ADGRG4: variants seen among roughly 807,000 people sequenced by gnomAD.
ADGRG4 encodes G protein-coupled receptor 112.
ADGRG4 carries 122 observed loss-of-function variants against 126.2 expected under a neutral mutation model. The observed-to-expected ratio is 0.97, with a 90% CI of 0.83 to 1.12. The LOEUF (loss-of-function observed/expected upper bound fraction) is 1.12. ADGRG4 is among the 50% of genes most tolerant of loss of function. ADGRG4 has a pLI of 0.00. For missense variants in ADGRG4, 2,481 were observed against 2,251.8 expected (o/e 1.10, Z -2.06); for synonymous variants, 943 against 838.7 (o/e 1.12, Z -2.15).
rs1360021202 is a variant in ADGRG4 at position 136,346,717 on chromosome X, C to A, written c.3011C>A (p.Ser1004Tyr). ...CCTCCACAGCCTACAGCTGCTCATT[C>A]CTCAGCAACCCCTGTGCCTGTTACT... ...ILPPQPTAAH[S>Y]SATPVPVTHM... Residue 1004 changes from serine to tyrosine, a missense_variant, in exon 6 of 26, where the codon TCC becomes TAC. By Grantham distance (144) the Ser-to-Tyr change is moderately radical. Coordinates refer to ENST00000394143, the MANE Select transcript of ADGRG4 (RefSeq NM_153834.4). The A allele has an allele frequency of 8.3e-7, 1 of 1,209,896 alleles. No homozygotes were observed. Among genetic ancestry groups the A allele is most frequent in the East Asian group, 3.0e-5 (1 of 33,821 alleles).
intron 6 of ADGRG4, among the ~76,000 whole-genome samples, chrX:136,350,949 G>A (rs1242285020): frequency 9.0e-6 from 1 of 111,650 alleles, no homozygotes; most frequent in Non-Finnish European, 1.9e-5. Flanking sequence ...GGAATATTTG[G>A]CTTCCATATT....
chrX:136,328,378 T>C (rs1199608854), intron 5 of ADGRG4, among the ~76,000 whole-genome samples: 2 of 112,146 alleles, frequency 1.8e-5, no homozygotes, highest in African/African-American at 3.2e-5. Flanking sequence ...TCTCAAGATA[T>C]GGCCAGCATA....
chrX:136,389,755 T>C (rs2075309933), intron 16 of ADGRG4, among the ~76,000 whole-genome samples: 2 of 111,924 alleles, frequency 1.8e-5, no homozygotes, highest in Admixed American at 9.5e-5. Flanking sequence ...TCTTGTACGG[T>C]GCTGAATGCT....
intron 19 of ADGRG4, among the ~76,000 whole-genome samples, chrX:136,397,068 C>A (rs761341154): frequency 9.0e-6 from 1 of 111,308 alleles, no homozygotes; most frequent in Non-Finnish European, 1.9e-5. Context: ...AGATTACAGG[C>A]ATGAGCCACC....
intron 5 of ADGRG4, among the ~76,000 whole-genome samples, chrX:136,340,477 A>G (rs2074972858): frequency 9.0e-6 from 1 of 111,662 alleles, no homozygotes; most frequent in Non-Finnish European, 1.9e-5. Flanking sequence ...TTGATGTTTT[A>G]GTTTAGCATT....
chrX:136,327,349 T>A (rs1479069185), intron 5 of ADGRG4, among the ~76,000 whole-genome samples: 4 of 110,462 alleles, frequency 3.6e-5, no homozygotes, highest in Non-Finnish European at 3.8e-5. Context: ...CACACCAACA[T>A]GGCCCATGTA....
At position 136,396,595 on chromosome X, in the gene ADGRG4, A is replaced by C. The variant is rs1279692248; in HGVS notation, c.8184+1102A>C. Among the ~76,000 whole-genome samples, 189 of 86,960 alleles carry C rather than the reference A, an allele frequency of 2.2e-3. 1 individual carries two copies. Among genetic ancestry groups the C allele is most frequent in the African/African-American group, 4.4e-3 (97 of 22,213 alleles). The allele number at this position is 86,960 out of a possible 115,157, so 75.5% of individuals were successfully genotyped here. ...GGGCAAAAGAGTGAGAACCTGTCCC[A>C]AAAAAAAAAAAAAAAAGAGAGAGAG... On this transcript the variant is annotated intron_variant, in intron 19 of 25. Transcript: ENST00000394143.
At chrX:136,338,197 G>A (rs1341467855) in intron 5 of ADGRG4, among the ~76,000 whole-genome samples, 9 of 102,960 alleles carry the variant, frequency 8.7e-5, no homozygotes, top group South Asian at 4.5e-4. Context: ...TCGTTCTGTC[G>A]CCCAGGCTGG....
At chrX:136,388,026 A>C (rs1330734335) in intron 16 of ADGRG4, 152 bp downstream of exon 16, 1 of 485,185 alleles carries the variant, frequency 2.1e-6, no homozygotes, top group Non-Finnish European at 3.4e-6. Flanking sequence ...CCTTAACATG[A>C]ATCAACGTCT....
intron 9 of ADGRG4, 104 bp from the exon 10 acceptor site, chrX:136,357,600 A>C: frequency 1.7e-6 from 1 of 573,866 alleles, no homozygotes; most frequent in Non-Finnish European, 2.8e-6. Flanking sequence ...GAGTTACATA[A>C]ATGTGAAGCA....
intron 7 of ADGRG4, among the ~76,000 whole-genome samples, chrX:136,352,245 T>A (rs1472823936): frequency 1.8e-5 from 2 of 112,269 alleles, no homozygotes; most frequent in East Asian, 5.6e-4. Context: ...TTGCACATAT[T>A]CATGCTGGTA....
At chrX:136,311,431 G>A (rs12010936) in intron 4 of ADGRG4, among the ~76,000 whole-genome samples, 7 of 83,107 alleles carry the variant, frequency 8.4e-5, no homozygotes, top group African/African-American at 2.0e-4. Context: ...ACACACACAC[G>A]CTCACACCCC....
rs1212783916 is a variant in ADGRG4, at chrX:136,371,553, T to C, written c.7613+9T>C. 22 of 1,053,187 alleles carry C rather than the reference T, an allele frequency of 2.1e-5. No homozygotes were observed. The highest frequency in any genetic ancestry group is 2.8e-5 in the Non-Finnish European group (22 of 789,482). 86.8% of individuals were successfully genotyped at this position (1,053,187 alleles called of 1,213,427 possible). ...CATGAAATAAGCAATGAGTAAGTAC[T>C]AATACTTTGGTGAAAGACATTATTT... On this transcript the variant is annotated intron_variant, in intron 14 of 25. Coordinates refer to ENST00000394143, the MANE Select transcript of ADGRG4 (RefSeq NM_153834.4).
chrX:136,414,262 C>A lies in ADGRG4; in HGVS notation c.9140C>A (p.Thr3047Asn), dbSNP rs772295577. Residue 3047 changes from threonine to asparagine, a missense_variant, in exon 25 of 26, where the codon ACT becomes AAT. By Grantham distance (65) the Thr-to-Asn change is moderately conservative (BLOSUM62 0). Coordinates refer to ENST00000394143, the MANE Select transcript of ADGRG4 (RefSeq NM_153834.4). ...ACGCCATCTCTCAAGTCAACTGCAA[C>A]TAGCTCCACTTTCAAATCTTTAGGC... is the stretch of plus-strand genomic sequence containing the variant. ...LLTPSLKSTA[T>N]SSTFKSLGSA... is the part of the protein sequence containing the mutation. The A allele has an allele frequency of 1.7e-6, 2 of 1,207,964 alleles. No individual in the cohort carries two copies. The highest frequency in any genetic ancestry group is 5.9e-5 in the East Asian group (2 of 33,810).
chrX:136,353,415 A>G lies in ADGRG4; in HGVS notation c.6887+14A>G. 1 of 1,138,018 alleles carries G rather than the reference A, an allele frequency of 8.8e-7. No individual in the cohort carries two copies. The highest frequency in any genetic ancestry group is 1.2e-6 in the Non-Finnish European group (1 of 829,524). The allele number at this position is 1,138,018 out of a possible 1,213,427, so 93.8% of individuals were successfully genotyped here. On this transcript the variant is annotated intron_variant, in intron 8 of 25. Coordinates refer to ENST00000394143, the MANE Select transcript of ADGRG4 (RefSeq NM_153834.4). ...AATTAAAAGCAGGTATGTGAATGAC[A>G]TTTACTGTGGGTCAAAGGGCAATTT... is the stretch of plus-strand genomic sequence containing the variant.
intron 15 of ADGRG4, among the ~76,000 whole-genome samples, chrX:136,382,981 G>A (rs2075271715): frequency 9.0e-6 from 1 of 110,954 alleles, no homozygotes; most frequent in South Asian, 3.9e-4. Context: ...GGTGAGTGGT[G>A]CCACTTCCAC....
chrX:136,320,513 T>C (rs1057306009), intron 4 of ADGRG4, among the ~76,000 whole-genome samples: 3 of 112,570 alleles, frequency 2.7e-5, no homozygotes, highest in African/African-American at 9.7e-5. Context: ...CTTATTGTTT[T>C]AATTTGTGCT....
chrX:136,347,766 C>T lies in ADGRG4; in HGVS notation c.4060C>T (p.Pro1354Ser). ...AAGTAACACAGTAGGTGTTCACATTCCAGAAATGTCTACCAGTCTTGGGAA... is the reference window on the plus strand; with the variant it reads ...AAGTAACACAGTAGGTGTTCACATTTCAGAAATGTCTACCAGTCTTGGGAA... ...TSSNTVGVHI[P>S]EMSTSLGKTA... The change falls in exon 6 of 26, where the codon CCA becomes TCA. Residue 1354 changes from proline to serine, a missense_variant. Pro to Ser is a moderately conservative substitution (Grantham distance 74). Transcript: ENST00000394143. The T allele has an allele frequency of 8.3e-7, 1 of 1,210,675 alleles. No individual in the cohort carries two copies. Among genetic ancestry groups the T allele is most frequent in the Non-Finnish European group, 1.1e-6 (1 of 894,651 alleles).
intron 24 of ADGRG4, among the ~76,000 whole-genome samples, 165 bp downstream of exon 24, chrX:136,412,531 C>T (rs1398418614): frequency 1.8e-5 from 2 of 112,417 alleles, no homozygotes; most frequent in Non-Finnish European, 3.8e-5. Context: ...TGAGTGAAGT[C>T]AAGTGAAGAA....
Sources: gnomAD v4.1 joint callset for allele counts (sites outside exome capture counted in the v4.1 genomes callset) on GRCh38, gnomAD v4.1.1 for gene constraint, MANE v1.5 for transcripts, NCBI Gene and HGNC (gene_info 2026-07-23, HGNC 2026-07-21) for gene names.